The following AFF2 variants were observed in gnomAD, a reference collection of about 807,000 sequenced individuals.
AFF2 encodes the protein AF4/FMR2 family member 2.
A neutral mutation model predicts 76.9 loss-of-function variants in AFF2; 14 were observed. The ratio of observed to expected loss-of-function variants is 0.18; its 90% CI spans 0.12 to 0.28. AFF2 has a LOEUF of 0.28. Among genes scored for constraint, AFF2 ranks in the 10% least tolerant of loss-of-function variants. The pLI, the probability that AFF2 is intolerant of heterozygous loss-of-function variation, is 1.00. For missense variants in AFF2, 868 were observed against 1,001.1 expected, an observed-to-expected ratio of 0.87 and a Z score of 1.79; for synonymous variants, 398 against 366.7, an observed-to-expected ratio of 1.09 and a Z score of -0.98.
chrX:148,911,285 A>C (rs1250378096), intron 9 of AFF2, among the ~76,000 whole-genome samples: 1 of 111,485 alleles, frequency 9.0e-6, no homozygotes, highest in Non-Finnish European at 1.9e-5. Context: ...GGCTCCAAAG[A>C]CACTTGGTAA....
intron 1 of AFF2, among the ~76,000 whole-genome samples, chrX:148,534,476 G>A (rs1218801909): frequency 2.7e-5 from 3 of 112,951 alleles, no homozygotes; most frequent in African/African-American, 9.6e-5. Context: ...GGCTCAAACT[G>A]TGGCACTGCA....
chrX:148,677,632 GA>G (rs1159156578), intron 3 of AFF2, among the ~76,000 whole-genome samples: 2 of 112,362 alleles, frequency 1.8e-5, no homozygotes, highest in Non-Finnish European at 3.8e-5. Flanking sequence ...ATTACCAGTT[GA>G]ATTTATCTTG....
chrX:148,906,712 G>A (rs1371729973), intron 9 of AFF2, among the ~76,000 whole-genome samples: 1 of 111,435 alleles, frequency 9.0e-6, no homozygotes, highest in African/African-American at 3.3e-5. Context: ...ATTAAATCTT[G>A]CAACTGCACA....
chrX:148,638,210 T>A (rs782453573), intron 1 of AFF2, among the ~76,000 whole-genome samples: 1 of 111,935 alleles, frequency 8.9e-6, no homozygotes, highest in East Asian at 2.8e-4. Flanking sequence ...ATTTTCACAC[T>A]GCTATAAAGA....
chrX:148,631,704 G>A (rs1464553818), intron 1 of AFF2, among the ~76,000 whole-genome samples: 5 of 112,484 alleles, frequency 4.4e-5, no homozygotes, highest in Non-Finnish European at 1.9e-5. Flanking sequence ...AGGAGGGCAT[G>A]GGCCAGAACC....
At chrX:148,988,796 T>C (rs1348602425) in intron 20 of AFF2, among the ~76,000 whole-genome samples, 1 of 112,248 alleles carries the variant, frequency 8.9e-6, no homozygotes, top group Non-Finnish European at 1.9e-5. Context: ...TTCCACAGGT[T>C]TGTGCAGCAA....
chrX:148,597,417 G>A (rs2053584492), intron 1 of AFF2, among the ~76,000 whole-genome samples: 1 of 111,111 alleles, frequency 9.0e-6, no homozygotes, highest in African/African-American at 3.3e-5. Context: ...ATTTTTCATG[G>A]CCCACCTGCT....
At chrX:148,636,674 G>A (rs12559076) in intron 1 of AFF2, among the ~76,000 whole-genome samples, 18,740 of 111,255 alleles carry the variant, frequency 0.17, 1,645 homozygotes, top group East Asian at 0.61. Context: ...AGATTGGCTA[G>A]CAATTTTCCA....
chrX:148,991,150 T>C (rs1484262481), intron 20 of AFF2, 61 bp from the exon 21 acceptor site: 3 of 1,092,460 alleles, frequency 2.7e-6, no homozygotes, highest in African/African-American at 3.7e-5. Context: ...AGCTTCTCAA[T>C]GTGGTGCATA....
intron 1 of AFF2, among the ~76,000 whole-genome samples, chrX:148,554,130 G>A (rs2124293614): frequency 8.9e-6 from 1 of 111,776 alleles, no homozygotes; most frequent in East Asian, 2.8e-4. Context: ...TGCAAAACAG[G>A]GATAATACAC....
At chrX:148,981,530 T>C (rs2072392728) in intron 19 of AFF2, among the ~76,000 whole-genome samples, 2 of 111,134 alleles carry the variant, frequency 1.8e-5, no homozygotes. Context: ...TGAAGAGATG[T>C]CTCTTATAGA....
chrX:148,617,724 T>A (rs1240762409), intron 1 of AFF2, among the ~76,000 whole-genome samples: 2 of 112,664 alleles, frequency 1.8e-5, no homozygotes, highest in Non-Finnish European at 3.8e-5. Context: ...TGTAAAATCT[T>A]TCTTGTGTAT....
intron 9 of AFF2, among the ~76,000 whole-genome samples, chrX:148,913,404 C>A (rs2124237829): frequency 8.9e-6 from 1 of 112,557 alleles, no homozygotes; most frequent in African/African-American, 3.2e-5. Context: ...TTTGCAGGTT[C>A]TTTAACAATT....
intron 3 of AFF2, among the ~76,000 whole-genome samples, chrX:148,805,069 C>A (rs782090699): frequency 9.0e-6 from 1 of 111,572 alleles, no homozygotes; most frequent in African/African-American, 3.3e-5. Flanking sequence ...AGTATCATAA[C>A]CTGAGTTTTT....
At chrX:148,625,504 A>G (rs1415852069) in intron 1 of AFF2, among the ~76,000 whole-genome samples, 1 of 110,239 alleles carries the variant, frequency 9.1e-6, no homozygotes, top group Admixed American at 9.8e-5. Flanking sequence ...CAGCCTCATT[A>G]TCAGTCGCAT....
intron 7 of AFF2, among the ~76,000 whole-genome samples, chrX:148,872,908 A>G (rs1390014851): frequency 3.6e-5 from 4 of 111,759 alleles, no homozygotes. Flanking sequence ...TAATATCATC[A>G]CATTGTGGAT....
chrX:148,964,796 T>A (rs1402517098), intron 13 of AFF2, among the ~76,000 whole-genome samples: 1 of 112,620 alleles, frequency 8.9e-6, no homozygotes, highest in African/African-American at 3.2e-5. Flanking sequence ...ATGTGTGTTT[T>A]ACCACAATTA....
chrX:148,505,323 A>G (rs908228989), intron 1 of AFF2, among the ~76,000 whole-genome samples: 7 of 112,098 alleles, frequency 6.2e-5, no homozygotes, highest in Admixed American at 4.7e-4. Context: ...TGGACACGGA[A>G]GAAAATTATC....
chrX:148,511,606 A>G (rs2052482756), intron 1 of AFF2, among the ~76,000 whole-genome samples: 1 of 111,403 alleles, frequency 9.0e-6, no homozygotes, highest in African/African-American at 3.3e-5. Context: ...TTTACAGAGC[A>G]TTATGGCATA....
Sources: gnomAD v4.1 joint callset for allele counts (sites outside exome capture counted in the v4.1 genomes callset) on GRCh38, gnomAD v4.1.1 for gene constraint, MANE v1.5 for transcripts, NCBI Gene and HGNC (gene_info 2026-07-23, HGNC 2026-07-21) for gene names.